The following SLIT2 variants were observed in gnomAD, a reference collection of about 807,000 sequenced individuals.
SLIT2 encodes slit homolog 2 protein.
Under a neutral mutation model 185.7 loss-of-function variants are expected in SLIT2, and 41 were observed. That is an observed-to-expected ratio of 0.22 (90% CI 0.17 to 0.29). SLIT2 has a LOEUF of 0.29. Among genes scored for constraint, SLIT2 ranks in the 10% least tolerant of loss-of-function variants. The probability of loss-of-function intolerance (pLI) is 1.00; values close to 1 mark genes in which losing one functional copy is unlikely to be tolerated. For synonymous variants in SLIT2, 693 were observed against 680.2 expected (o/e 1.02, Z -0.29); for missense variants, 1,571 against 1,909.0 (o/e 0.82, Z 3.30).
intron 6 of SLIT2, among the ~76,000 whole-genome samples, chr4:20,481,957 T>C (rs1023200277): frequency 1.3e-5 from 2 of 152,058 alleles, no homozygotes; most frequent in African/African-American, 4.8e-5. Context: ...TTTCTATTGA[T>C]AATGGTCTAA....
chr4:20,529,616 A>G (rs913259274), intron 16 of SLIT2, among the ~76,000 whole-genome samples: 7 of 152,212 alleles, frequency 4.6e-5, no homozygotes, highest in Non-Finnish European at 1.0e-4. Flanking sequence ...CAATGCAAGA[A>G]AAGCTGAAAA....
At chr4:20,284,153 C>A (rs1196976897) in intron 4 of SLIT2, among the ~76,000 whole-genome samples, 5 of 152,296 alleles carry the variant, frequency 3.3e-5, no homozygotes, top group Middle Eastern at 6.8e-3. Flanking sequence ...AATGCCACCA[C>A]CCTGCCTGGA....
Position 20,533,561 on chromosome 4 carries a change from T to G in SLIT2, c.1689-11T>G. ...TTATTTAAAACCTTTGTTCCAACAA[T>G]TTTTATTTAGAAACTTTAGCAACAA... On this transcript the variant is annotated splice_polypyrimidine_tract_variant and intron_variant, in intron 17 of 36. Transcript: ENST00000504154. 6.3e-7 allele frequency: 1 copy of G among 1,593,854 alleles called. No individual in the cohort carries two copies. The highest frequency in any genetic ancestry group is 8.6e-7 in the Non-Finnish European group (1 of 1,167,526).
At chr4:20,380,441 G>T (rs1389829255) in intron 4 of SLIT2, among the ~76,000 whole-genome samples, 1 of 152,010 alleles carries the variant, frequency 6.6e-6, no homozygotes, top group Non-Finnish European at 1.5e-5. Flanking sequence ...ATAAACAGAG[G>T]AAGTAAAAAT....
In SLIT2 at chr4:20,252,001, G is replaced by A. The variant is rs1380763206; in HGVS notation, c.-1815G>A. 2.6e-5 allele frequency among the ~76,000 whole-genome samples: 4 copies of A among 151,288 alleles called. No homozygotes were observed. Among genetic ancestry groups the A allele is most frequent in the Non-Finnish European group, 5.9e-5 (4 of 67,960 alleles). Reference sequence around the variant, plus strand: ...GACTGTGGTTAAAAAAAAGAAGGCGGCGGCGGCGGCGGCGGCGGAGGCGGA... The same window carrying A: ...GACTGTGGTTAAAAAAAAGAAGGCGACGGCGGCGGCGGCGGCGGAGGCGGA... On this transcript the variant is annotated 5_prime_UTR_variant, in exon 1 of 37. Coordinates refer to ENST00000504154, the MANE Select transcript of SLIT2 (RefSeq NM_004787.4).
chr4:20,582,769 T>C (rs796152772), intron 29 of SLIT2, among the ~76,000 whole-genome samples: 18 of 152,316 alleles, frequency 1.2e-4, no homozygotes, highest in African/African-American at 3.6e-4. Flanking sequence ...ACTTGACAGT[T>C]TCTCTTGGGC....
chr4:20,261,542 C>T (rs1712477693), intron 3 of SLIT2, among the ~76,000 whole-genome samples: 1 of 151,836 alleles, frequency 6.6e-6, no homozygotes, highest in African/African-American at 2.4e-5. Context: ...TTAGATACTA[C>T]AGTCATTCAC....
At chr4:20,511,595 T>TTTTTTTTTTTTTTTTTA (rs1211611464) in intron 11 of SLIT2, among the ~76,000 whole-genome samples, 147 of 137,866 alleles carry the variant, frequency 1.1e-3, no homozygotes, top group Non-Finnish European at 1.7e-3. Context: ...TAATTTTTTT[T>TTTTTTTTTTTTTTTTTA]TTTTTTTTAT....
intron 4 of SLIT2, among the ~76,000 whole-genome samples, chr4:20,386,158 A>G (rs989537445): frequency 6.6e-6 from 1 of 152,178 alleles, no homozygotes; most frequent in Non-Finnish European, 1.5e-5. Flanking sequence ...CTTTACTTAG[A>G]GCTTGTTGAC....
intron 4 of SLIT2, among the ~76,000 whole-genome samples, chr4:20,404,290 C>G (rs1158946973): frequency 5.9e-5 from 9 of 152,068 alleles, no homozygotes; most frequent in African/African-American, 2.2e-4. Context: ...TACAATCTCA[C>G]ATATTTTCTA....
At chr4:20,392,645 T>C (rs1000624326) in intron 4 of SLIT2, among the ~76,000 whole-genome samples, 1 of 152,086 alleles carries the variant, frequency 6.6e-6, no homozygotes, top group Non-Finnish European at 1.5e-5. Flanking sequence ...GTATAAAATG[T>C]TTTTCTTTCT....
Position 20,616,953 on chromosome 4 carries a change from T to C in SLIT2, c.3891T>C (p.Pro1297=), listed in dbSNP as rs1480349252. ...KSNVASLRQA[P]GQNGTSFHGC... is the part of the protein sequence containing the mutation. The stretch of plus-strand genomic sequence containing the variant: ...ACGTGGCATCTCTGCGCCAGGCCCC[T>C]GGGCAGAACGGAACCAGCTTCCACG... The change falls in exon 35 of 37, where the codon CCT becomes CCC. Residue 1297 remains proline (P), a synonymous_variant. Transcript: ENST00000504154. 2 of 1,613,028 alleles carry C rather than the reference T, an allele frequency of 1.2e-6. No individual in the cohort carries two copies. The highest frequency in any genetic ancestry group is 1.7e-6 in the Non-Finnish European group (2 of 1,179,302).
intron 4 of SLIT2, 41 bp from the exon 5 acceptor site, chr4:20,467,711 A>C (rs200491781): frequency 1.0e-5 from 12 of 1,201,252 alleles, no homozygotes; most frequent in Non-Finnish European, 1.4e-5. Flanking sequence ...TCTTTAAATA[A>C]TATTTTCTAA....
chr4:20,577,786 A>C (rs1726201501), intron 29 of SLIT2, among the ~76,000 whole-genome samples: 1 of 152,208 alleles, frequency 6.6e-6, no homozygotes, highest in Non-Finnish European at 1.5e-5. Flanking sequence ...TAAAGAACAA[A>C]TGGGAAATGT....
At chr4:20,612,887 C>T (rs1279313556) in intron 34 of SLIT2, among the ~76,000 whole-genome samples, 2 of 138,118 alleles carry the variant, frequency 1.4e-5, no homozygotes, top group African/African-American at 2.8e-5. Flanking sequence ...CACTGCACTC[C>T]AGCCTGGGCG....
intron 4 of SLIT2, among the ~76,000 whole-genome samples, chr4:20,394,058 G>A (rs1725678698): frequency 6.6e-6 from 1 of 151,934 alleles, no homozygotes; most frequent in African/African-American, 2.4e-5. Context: ...AGTTGCATTA[G>A]CATCAGCCTC....
chr4:20,475,363 A>C (rs917720744), intron 5 of SLIT2, among the ~76,000 whole-genome samples: 1 of 150,420 alleles, frequency 6.6e-6, no homozygotes, highest in African/African-American at 2.5e-5. Flanking sequence ...AGCCTAGAGT[A>C]ATCTCTGTCT....
At chr4:20,486,844 T>TA (rs1487235420) in intron 7 of SLIT2, among the ~76,000 whole-genome samples, 3 of 152,114 alleles carry the variant, frequency 2.0e-5, no homozygotes, top group African/African-American at 7.2e-5. Context: ...GAGTAGCCTT[T>TA]AAAATCTTTA....
At chr4:20,265,891 A>G (rs74908554) in intron 3 of SLIT2, among the ~76,000 whole-genome samples, 2 of 152,036 alleles carry the variant, frequency 1.3e-5, no homozygotes, top group Admixed American at 6.6e-5. Context: ...TGTTTAGACT[A>G]TATTTTTTCC....
Sources: allele counts gnomAD v4.1 joint callset (sites outside exome capture counted in the v4.1 genomes callset), GRCh38; gene constraint gnomAD v4.1.1; transcripts MANE v1.5; gene names NCBI Gene and HGNC (gene_info 2026-07-23, HGNC 2026-07-21).